The following PDE3B variants were observed in gnomAD, a reference collection of about 807,000 sequenced individuals.
The protein encoded by PDE3B is cGMP-inhibited 3',5'-cyclic phosphodiesterase 3B.
In PDE3B, 66 loss-of-function variants were observed where a neutral mutation model predicts 116.8. The observed-to-expected ratio is 0.56, with a 90% CI of 0.46 to 0.69. The LOEUF is 0.69. PDE3B is among the 30% of genes least tolerant of loss of function. The probability of loss-of-function intolerance (pLI) is 0.00; values close to 1 mark genes in which losing one functional copy is unlikely to be tolerated. For synonymous variants in PDE3B, 595 were observed against 533.6 expected, an observed-to-expected ratio of 1.12 and a Z score of -1.59; for missense variants, 1,384 against 1,368.1, an observed-to-expected ratio of 1.01 and a Z score of -0.18.
At position 14,651,212 on chromosome 11, in the gene PDE3B, G is replaced by A. The variant is rs369713720; in HGVS notation, c.978+6159G>A. Among the ~76,000 whole-genome samples, 14 of 152,220 alleles carry A rather than the reference G, an allele frequency of 9.2e-5. No homozygotes were observed. The Middle Eastern group carries it at 0.02, about 222-fold the overall frequency. On this transcript the variant is annotated intron_variant, in intron 1 of 15. Transcript: ENST00000282096. ...AATCTTTGGCTTGCAGATGCATCAC[G>A]CTGATCTCATTCTTCATCTTCGCAT...
chr11:14,764,761 C>T (rs1053673669), intron 1 of PDE3B, among the ~76,000 whole-genome samples: 1 of 151,784 alleles, frequency 6.6e-6, no homozygotes, highest in Admixed American at 6.6e-5. Flanking sequence ...AGTGCTGGTA[C>T]ACAGCATGCA....
At chr11:14,660,882 A>G (rs1370265264) in intron 1 of PDE3B, among the ~76,000 whole-genome samples, 1 of 152,194 alleles carries the variant, frequency 6.6e-6, no homozygotes, top group African/African-American at 2.4e-5. Flanking sequence ...CACTTCTCAA[A>G]AGAAGACATT....
At chr11:14,892,240 C>T in the PDE3B span, 1 of 1,590,564 alleles carries the variant, frequency 6.3e-7, no homozygotes. Flanking sequence ...CCACAGCAGC[C>T]CTGAGACCCA....
At chr11:14,737,177 G>C (rs1856623231) in intron 1 of PDE3B, among the ~76,000 whole-genome samples, 1 of 150,426 alleles carries the variant, frequency 6.6e-6, no homozygotes, top group Admixed American at 6.7e-5. Context: ...AATAGCTAGA[G>C]AGAGACCAAC....
intron 6 of PDE3B, among the ~76,000 whole-genome samples, 164 bp downstream of exon 6, chr11:14,818,557 G>T (rs1859407849): frequency 6.6e-6 from 1 of 151,998 alleles, no homozygotes; most frequent in African/African-American, 2.4e-5. Context: ...GCTATAAGTT[G>T]TTTCACTTAA....
intron 1 of PDE3B, among the ~76,000 whole-genome samples, chr11:14,759,233 T>A (rs1282537672): frequency 6.6e-6 from 1 of 152,168 alleles, no homozygotes; most frequent in Non-Finnish European, 1.5e-5. Context: ...AAATTCTCTT[T>A]TTTGGTTGTG....
Position 14,645,317 on chromosome 11 carries a change from G to C in PDE3B, c.978+264G>C, listed in dbSNP as rs538940869. On this transcript the variant is annotated intron_variant, in intron 1 of 15. Coordinates refer to ENST00000282096, the MANE Select transcript of PDE3B (RefSeq NM_000922.4). Reference sequence around the variant, plus strand: ...CCGCTAATCACATGGCACTTTTTAAGGACTGTATATGCAATAGATGAGTTC... The same window carrying C: ...CCGCTAATCACATGGCACTTTTTAACGACTGTATATGCAATAGATGAGTTC... 2.6e-5 allele frequency among the ~76,000 whole-genome samples: 4 copies of C among 152,252 alleles called. No individual in the cohort carries two copies. The South Asian group carries it at 8.3e-4, about 32-fold the overall frequency.
intron 12 of PDE3B, among the ~76,000 whole-genome samples, chr11:14,849,593 C>G (rs569780511): frequency 6.6e-6 from 1 of 152,226 alleles, no homozygotes; most frequent in Admixed American, 6.5e-5. Context: ...ACTCATCTGA[C>G]AAAGGATTAA....
chr11:14,828,636 C>T (rs1051849174), intron 7 of PDE3B, among the ~76,000 whole-genome samples: 5 of 152,172 alleles, frequency 3.3e-5, no homozygotes, highest in Admixed American at 6.6e-5. Flanking sequence ...GTCAGAATGG[C>T]TGCTGTTAAA....
intron 2 of PDE3B, among the ~76,000 whole-genome samples, chr11:14,785,214 G>A (rs1455304832): frequency 2.0e-5 from 3 of 152,080 alleles, no homozygotes; most frequent in African/African-American, 7.2e-5. Flanking sequence ...TTCAGATTAT[G>A]GGAAGCTGTG....
chr11:14,797,207 A>G (rs1858584191), intron 4 of PDE3B, among the ~76,000 whole-genome samples: 1 of 152,084 alleles, frequency 6.6e-6, no homozygotes, highest in Admixed American at 6.6e-5. Flanking sequence ...CCTCTGTTCT[A>G]TCCTATTGGT....
intron 1 of PDE3B, among the ~76,000 whole-genome samples, chr11:14,682,036 C>T (rs2133795083): frequency 6.6e-6 from 1 of 152,154 alleles, no homozygotes; most frequent in East Asian, 1.9e-4. Context: ...ATAAAGTAAG[C>T]TAGAGAAAAG....
chr11:14,891,922 C>T, the PDE3B span: 7 of 1,576,388 alleles, frequency 4.4e-6, no homozygotes, highest in Non-Finnish European at 5.2e-6. Flanking sequence ...CCAGGAAGGC[C>T]CTGGCCAGCC....
chr11:14,815,213 C>T (rs1216241989), intron 5 of PDE3B, among the ~76,000 whole-genome samples: 1 of 152,216 alleles, frequency 6.6e-6, no homozygotes, highest in South Asian at 2.1e-4. Context: ...GTATAAAGAA[C>T]TTTGTCAGTG....
chr11:14,675,597 T>A (rs981178299), intron 1 of PDE3B, among the ~76,000 whole-genome samples: 2 of 152,130 alleles, frequency 1.3e-5, no homozygotes, highest in African/African-American at 4.8e-5. Context: ...TTTAACCTCT[T>A]TAAATAAAAT....
At chr11:14,779,788 A>C (rs530832314) in intron 2 of PDE3B, among the ~76,000 whole-genome samples, 1 of 152,352 alleles carries the variant, frequency 6.6e-6, no homozygotes, top group African/African-American at 2.4e-5. Context: ...AGCTAACATC[A>C]TAATGACAGG....
the PDE3B span, among the ~76,000 whole-genome samples, chr11:14,884,482 T>G: frequency 3.0e-5 from 4 of 132,212 alleles, no homozygotes; most frequent in East Asian, 8.9e-4. Context: ...AACTGAACAA[T>G]GAGAACACAT....
In PDE3B at chr11:14,780,077, T is replaced by C. The variant is rs536684976; in HGVS notation, c.1030-6360T>C. Among the ~76,000 whole-genome samples the C allele has an allele frequency of 2.0e-4, 31 of 151,380 alleles. No homozygotes were observed. In the South Asian group the frequency reaches 5.9e-3, roughly 29 times the overall value. On this transcript the variant is annotated intron_variant, in intron 2 of 15. Transcript: ENST00000282096. ...AAGATCAGAAGAGACAAGGCCATTA[T>C]ATAATGGTAAAGGGATCAATTCAAC...
chr11:14,837,053 A>G (rs1860079361), intron 11 of PDE3B, among the ~76,000 whole-genome samples: 2 of 152,222 alleles, frequency 1.3e-5, no homozygotes, highest in Non-Finnish European at 1.5e-5. Context: ...AGCTCAGGCA[A>G]TCCGCCCACC....
Sources: allele counts gnomAD v4.1 joint callset (sites outside exome capture counted in the v4.1 genomes callset), GRCh38; gene constraint gnomAD v4.1.1; transcripts MANE v1.5; gene names NCBI Gene and HGNC (gene_info 2026-07-23, HGNC 2026-07-21).